The following ADAM32 variants were observed in gnomAD, a reference collection of about 807,000 sequenced individuals.
The protein encoded by ADAM32 is disintegrin and metalloproteinase domain-containing protein 32.
Under a neutral mutation model 114.9 loss-of-function variants are expected in ADAM32, and 89 were observed. The observed-to-expected ratio is 0.77, with a 90% confidence interval of 0.65 to 0.92. The LOEUF is 0.92. Ranked by LOEUF, ADAM32 falls within the 40% of genes least tolerant of loss-of-function variation. ADAM32 has a pLI of 0.00. For missense variants in ADAM32, 870 were observed against 932.8 expected (o/e 0.93, Z 0.88); for synonymous variants, 285 against 307.5 (o/e 0.93, Z 0.77).
chr8:39,209,538 A>C (rs73606771), intron 11 of ADAM32, among the ~76,000 whole-genome samples: 37,519 of 152,010 alleles, frequency 0.25, 4,976 homozygotes, highest in Non-Finnish European at 0.29. Context: ...ATGCTTGTGG[A>C]TGTATCTGGG....
chr8:39,156,540 T>C (rs11994167), intron 6 of ADAM32, among the ~76,000 whole-genome samples: 13,072 of 152,282 alleles, frequency 0.086, 1,890 homozygotes, highest in African/African-American at 0.3. Flanking sequence ...GCTTTCATTT[T>C]AAACTGAAGG....
intron 11 of ADAM32, among the ~76,000 whole-genome samples, chr8:39,194,548 C>T (rs1806831089): frequency 6.6e-6 from 1 of 152,142 alleles, no homozygotes; most frequent in Non-Finnish European, 1.5e-5. Flanking sequence ...GAAGAGAGGG[C>T]ACAAGCAAGC....
chr8:39,183,638 G>A (rs1367108902), intron 10 of ADAM32, among the ~76,000 whole-genome samples: 1 of 152,140 alleles, frequency 6.6e-6, no homozygotes, highest in Non-Finnish European at 1.5e-5. Context: ...GCTGCTTTAG[G>A]ATATTTAAAA....
In ADAM32 at chr8:39,257,334, C is replaced by T. The variant is rs778245731; in HGVS notation, c.2153C>T (p.Pro718Leu). ...TGGTTCGCCAAGGAAGAGGAATTCC[C>T]AAGTAGCGAGTAAATTGCATTTGTG... ...KKWFAKEEEFPSSESKSEGST... is the reference protein window; with the variant it reads ...KKWFAKEEEFLSSESKSEGST... Residue 718 changes from proline to leucine, a missense_variant, in exon 19 of 25, where the codon CCA (proline) becomes CTA (leucine). By Grantham distance (98) the Pro-to-Leu change is moderately conservative (BLOSUM62 -3). Coordinates refer to ENST00000379907, the MANE Select transcript of ADAM32 (RefSeq NM_145004.7). The T allele has an allele frequency of 1.9e-6, 3 of 1,612,812 alleles. No homozygotes were observed. Among genetic ancestry groups the T allele is most frequent in the Non-Finnish European group, 2.5e-6 (3 of 1,179,282 alleles).
At chr8:39,183,804 C>T (rs1172607202) in intron 10 of ADAM32, among the ~76,000 whole-genome samples, 1 of 152,178 alleles carries the variant, frequency 6.6e-6, no homozygotes, top group Non-Finnish European at 1.5e-5. Context: ...GAACCCATTT[C>T]TATAAATACT....
At chr8:39,232,688 G>C (rs1244092544) in intron 15 of ADAM32, among the ~76,000 whole-genome samples, 2 of 152,062 alleles carry the variant, frequency 1.3e-5, no homozygotes, top group African/African-American at 4.8e-5. Flanking sequence ...CTTTTGTTTA[G>C]AAATACTTCA....
intron 11 of ADAM32, among the ~76,000 whole-genome samples, chr8:39,196,237 T>C (rs1221762920): frequency 6.6e-6 from 1 of 152,180 alleles, no homozygotes; most frequent in African/African-American, 2.4e-5. Flanking sequence ...TTAGAGTTTT[T>C]TGGTGGAATC....
At chr8:39,259,143 A>G (rs1811850086) in intron 19 of ADAM32, among the ~76,000 whole-genome samples, 1 of 149,118 alleles carries the variant, frequency 6.7e-6, no homozygotes, top group African/African-American at 2.5e-5. Flanking sequence ...CTTTTTTCCT[A>G]TTTACCATGT....
chr8:39,122,204 T>C (rs1840615035), intron 2 of ADAM32, among the ~76,000 whole-genome samples: 1 of 152,070 alleles, frequency 6.6e-6, no homozygotes, highest in South Asian at 2.1e-4. Flanking sequence ...TTGGGGCTTT[T>C]CCATGCAAGA....
intron 2 of ADAM32, among the ~76,000 whole-genome samples, chr8:39,128,557 T>C (rs1382928513): frequency 5.9e-5 from 9 of 152,224 alleles, no homozygotes; most frequent in Admixed American, 5.9e-4. Context: ...GATCCTGTCA[T>C]CATGATGCTA....
chr8:39,254,643 C>T (rs891607342), intron 18 of ADAM32, 127 bp downstream of exon 18: 4 of 650,386 alleles, frequency 6.2e-6, no homozygotes, highest in Non-Finnish European at 9.7e-6. Flanking sequence ...AATCAGAATT[C>T]TCTCAAGGAA....
chr8:39,211,426 A>G, intron 12 of ADAM32, 102 bp downstream of exon 12: 1 of 1,141,720 alleles, frequency 8.8e-7, no homozygotes, highest in Non-Finnish European at 1.1e-6. Context: ...ACCATGCAGA[A>G]TGTTGACAGT....
chr8:39,150,394 C>T (rs1803751243), intron 5 of ADAM32, among the ~76,000 whole-genome samples: 1 of 151,986 alleles, frequency 6.6e-6, no homozygotes, highest in Admixed American at 6.6e-5. Flanking sequence ...ATTTATGTTA[C>T]CCACCATGTG....
chr8:39,272,974 C>A (rs567754006), intron 20 of ADAM32, among the ~76,000 whole-genome samples: 1 of 151,168 alleles, frequency 6.6e-6, no homozygotes, highest in East Asian at 1.9e-4. Flanking sequence ...AAAACTAAGA[C>A]AGAAACACAT....
intron 11 of ADAM32, among the ~76,000 whole-genome samples, chr8:39,199,298 C>T (rs1807219977): frequency 6.6e-6 from 1 of 152,148 alleles, no homozygotes. Flanking sequence ...TTACATAAGT[C>T]ATCTATGCCT....
chr8:39,118,290 A>G, intron 2 of ADAM32, 125 bp downstream of exon 2: 1 of 503,494 alleles, frequency 2.0e-6, no homozygotes, highest in Non-Finnish European at 3.2e-6. Context: ...TACTGATAGG[A>G]ATTAAAAGCT....
At chr8:39,195,599 T>C (rs1381643883) in intron 11 of ADAM32, among the ~76,000 whole-genome samples, 1 of 152,220 alleles carries the variant, frequency 6.6e-6, no homozygotes, top group Non-Finnish European at 1.5e-5. Flanking sequence ...GAGTTGATTT[T>C]TGTATGTGGT....
At chr8:39,198,594 T>C (rs1585517554) in intron 11 of ADAM32, among the ~76,000 whole-genome samples, 1 of 152,214 alleles carries the variant, frequency 6.6e-6, no homozygotes, top group Non-Finnish European at 1.5e-5. Context: ...GCTATGCTGG[T>C]CTCGAACTCC....
intron 6 of ADAM32, among the ~76,000 whole-genome samples, chr8:39,160,617 T>C (rs1033325080): frequency 1.3e-5 from 2 of 151,066 alleles, no homozygotes; most frequent in African/African-American, 4.9e-5. Context: ...ATTTCTGATA[T>C]GCAGATGAAG....
Sources: gnomAD v4.1 joint callset for allele counts (sites outside exome capture counted in the v4.1 genomes callset) on GRCh38, gnomAD v4.1.1 for gene constraint, MANE v1.5 for transcripts, NCBI Gene and HGNC (gene_info 2026-07-23, HGNC 2026-07-21) for gene names.